The following E2F2 variants were observed in gnomAD, a reference collection of about 807,000 sequenced individuals.
E2F2 encodes the protein E2F transcription factor 2.
In E2F2, 22 loss-of-function variants were observed where a neutral mutation model predicts 42.2. The observed-to-expected ratio is 0.52, with a 90% confidence interval of 0.37 to 0.74. E2F2 has a LOEUF of 0.74. E2F2 is among the 30% of genes least tolerant of loss of function. The probability of loss-of-function intolerance (pLI) is 0.00; values close to 1 mark genes in which losing one functional copy is unlikely to be tolerated. For synonymous variants in E2F2, 248 were observed against 251.6 expected, an observed-to-expected ratio of 0.99 and a Z score of 0.13; for missense variants, 481 against 557.8, an observed-to-expected ratio of 0.86 and a Z score of 1.39.
chr1:23,516,298 TC>T (rs774903045), intron 6 of E2F2, 36 bp downstream of exon 6: 17 of 1,441,098 alleles, frequency 1.2e-5, no homozygotes, highest in Admixed American at 3.1e-5. Context: ...GGCCGGTCTC[TC>T]CCCCCACCTC....
rs184997682 is a variant in E2F2, at chr1:23,514,310, G to A, written c.1045+2025C>T. Among the ~76,000 whole-genome samples, 5 of 152,234 alleles carry A rather than the reference G, an allele frequency of 3.3e-5. No homozygotes were observed. In the East Asian group the frequency reaches 9.7e-4, roughly 30 times the overall value. On this transcript the variant is annotated intron_variant, in intron 6 of 6. Coordinates refer to ENST00000361729, the MANE Select transcript of E2F2 (RefSeq NM_004091.4). Reference sequence around the variant, plus strand: ...GAGGGTGGGGCAGAGGTCTGGGATGGGAGATAGGCACTGGGGAGGTGTCCC... The same window carrying A: ...GAGGGTGGGGCAGAGGTCTGGGATGAGAGATAGGCACTGGGGAGGTGTCCC...
intron 6 of E2F2, among the ~76,000 whole-genome samples, chr1:23,512,108 G>A (rs1642920594): frequency 6.6e-6 from 1 of 152,156 alleles, no homozygotes. Flanking sequence ...TGAGGAAGGA[G>A]AATCATTGGA....
rs2148683110 is a variant in E2F2 at position 23,507,918 on chromosome 1, A to G, written c.*1962T>C. ...AGAGCCCAAGGAATGGGAGTCAAAC[A>G]CCTCTGACTTCAGAGATGGCACATG... On this transcript the variant is annotated 3_prime_UTR_variant, in exon 7 of 7. Transcript: ENST00000361729. 1 of 152,252 alleles carries G rather than the reference A, an allele frequency of 6.6e-6. No homozygotes were observed. Among genetic ancestry groups the G allele is most frequent in the East Asian group, 1.9e-4 (1 of 5,186 alleles). 9.4% of individuals were successfully genotyped at this position (152,252 alleles called of 1,614,324 possible).
chr1:23,519,371 T>C (rs1643092008), intron 4 of E2F2: 1 of 309,224 alleles, frequency 3.2e-6, no homozygotes, highest in Admixed American at 5.0e-5. Context: ...TCATAAAAAA[T>C]GTTGCCTTAT....
At chr1:23,517,999 G>A (rs530095392) in intron 5 of E2F2, among the ~76,000 whole-genome samples, 11 of 151,496 alleles carry the variant, frequency 7.3e-5, no homozygotes, top group Non-Finnish European at 1.3e-4. Flanking sequence ...GCAAAACCTC[G>A]TCTCTACAAA....
Position 23,506,869 on chromosome 1 carries a change from A to G in E2F2, c.*3011T>C, listed in dbSNP as rs188492900. 1 of 152,456 alleles carries G rather than the reference A, an allele frequency of 6.6e-6. No homozygotes were observed. Among genetic ancestry groups the G allele is most frequent in the East Asian group, 1.9e-4 (1 of 5,192 alleles). 9.4% of individuals were successfully genotyped at this position (152,456 alleles called of 1,614,324 possible). Reference sequence around the variant, plus strand: ...TTGAGAACACTTGGGGAGGGAGAACAAAGTCAGAACCATCCTAAAGCCAGT... The same window carrying G: ...TTGAGAACACTTGGGGAGGGAGAACGAAGTCAGAACCATCCTAAAGCCAGT... On this transcript the variant is annotated 3_prime_UTR_variant, in exon 7 of 7. Transcript: ENST00000361729.
chr1:23,516,575 T>TAAGTG, intron 5 of E2F2, 48 bp from the exon 6 acceptor site: 15 of 1,492,664 alleles, frequency 1.0e-5, no homozygotes, highest in Admixed American at 2.0e-5. Context: ...AGCTGGACAC[T>TAAGTG]TACACTTAGT....
chr1:23,517,480 G>A (rs768273814), intron 5 of E2F2, among the ~76,000 whole-genome samples: 35 of 152,166 alleles, frequency 2.3e-4, no homozygotes, highest in Non-Finnish European at 3.4e-4. Context: ...AAATGACAGC[G>A]TCTTTTTCCC....
chr1:23,505,446 G>A (rs1254720572), downstream of E2F2, among the ~76,000 whole-genome samples: 1 of 152,220 alleles, frequency 6.6e-6, no homozygotes, highest in Non-Finnish European at 1.5e-5. Flanking sequence ...ACTCACCTGG[G>A]AGGTTCATGG....
chr1:23,525,188 ACC>A (rs35872069), intron 1 of E2F2, among the ~76,000 whole-genome samples: 7,765 of 146,610 alleles, frequency 0.053, 495 homozygotes, highest in South Asian at 0.31. Flanking sequence ...AGCTGAGGCC[ACC>A]CCCCCCCTCC....
chr1:23,529,139 C>T (rs1219612110), intron 1 of E2F2, among the ~76,000 whole-genome samples: 1 of 152,210 alleles, frequency 6.6e-6, no homozygotes, highest in African/African-American at 2.4e-5. Flanking sequence ...TAGGTCACAT[C>T]CCCTCTCTGA....
chr1:23,525,414 G>A (rs1347073426), intron 1 of E2F2, among the ~76,000 whole-genome samples: 1 of 152,238 alleles, frequency 6.6e-6, no homozygotes, highest in Non-Finnish European at 1.5e-5. Context: ...ATAGGTCAGA[G>A]ACCCATGCTT....
intron 2 of E2F2, among the ~76,000 whole-genome samples, chr1:23,523,437 G>T (rs1002117964): frequency 6.6e-6 from 1 of 152,170 alleles, no homozygotes; most frequent in African/African-American, 2.4e-5. Flanking sequence ...GATTATAGGT[G>T]TGAGCCACCA....
chr1:23,529,818 G>C (rs1190635739), intron 1 of E2F2, among the ~76,000 whole-genome samples: 1 of 151,858 alleles, frequency 6.6e-6, no homozygotes, highest in South Asian at 2.1e-4. Flanking sequence ...TGATTCACAC[G>C]GGCTCCAGGA....
Position 23,530,519 on chromosome 1 carries a change from G to C in E2F2, c.252+23C>G, listed in dbSNP as rs898460256. On this transcript the variant is annotated intron_variant, in intron 1 of 6. Transcript: ENST00000361729. This position sits in a 1 kb window ranked among gnomAD's most constrained non-coding sequence, Gnocchi z 4.4. ...CACACCTGGAAAAGCATAGGGGGAAGCGGTGGGGGCCCCCAGCATTACCGG... is the reference window on the plus strand; with the variant it reads ...CACACCTGGAAAAGCATAGGGGGAACCGGTGGGGGCCCCCAGCATTACCGG... 29 of 1,609,764 alleles carry C rather than the reference G, an allele frequency of 1.8e-5. No individual in the cohort carries two copies. Among genetic ancestry groups the C allele is most frequent in the Non-Finnish European group, 2.0e-5 (24 of 1,178,430 alleles).
In E2F2 at chr1:23,530,739, C is replaced by G; in HGVS notation, c.55G>C (p.Val19Leu). ...AGCTCTGTGGGGCTCATCGCGGGCACCACCTTCGGGGTCTGCCCAGCGGCC... is the reference window on the plus strand; with the variant it reads ...AGCTCTGTGGGGCTCATCGCGGGCAGCACCTTCGGGGTCTGCCCAGCGGCC... ...ASAAGQTPKVVPAMSPTELWP... is the reference protein window; with the variant it reads ...ASAAGQTPKVLPAMSPTELWP... Residue 19 changes from valine to leucine, a missense_variant, in exon 1 of 7, where the codon GTG becomes CTG. Coordinates refer to ENST00000361729, the MANE Select transcript of E2F2 (RefSeq NM_004091.4). This position sits in a 1 kb window ranked among gnomAD's most constrained non-coding sequence, Gnocchi z 4.4. 1 of 1,596,492 alleles carries G rather than the reference C, an allele frequency of 6.3e-7. No homozygotes were observed. Among genetic ancestry groups the G allele is most frequent in the African/African-American group, 1.3e-5 (1 of 74,846 alleles).
intron 1 of E2F2, 63 bp from the exon 2 acceptor site, chr1:23,524,551 G>A: frequency 6.7e-7 from 1 of 1,494,382 alleles, no homozygotes; most frequent in Non-Finnish European, 9.1e-7. Context: ...GCCTTTCCCT[G>A]ATGTGGGGCC....
chr1:23,520,868 A>G, intron 4 of E2F2, 45 bp downstream of exon 4: 1 of 1,491,366 alleles, frequency 6.7e-7, no homozygotes, highest in East Asian at 2.5e-5. Context: ...TAAACATGCA[A>G]CAGGTTCCTG....
rs1355187187 is a variant in E2F2, at chr1:23,524,424, T to C, written c.317A>G (p.Lys106Arg). The C allele has an allele frequency of 6.3e-7, 1 of 1,594,210 alleles. No homozygotes were observed. Among genetic ancestry groups the C allele is most frequent in the Non-Finnish European group, 8.6e-7 (1 of 1,167,652 alleles). ...GCCATCCACTCTGATGCACTTCCCCTTGGGGGTTGGGAACTCAGGGACGAC... is the reference window on the plus strand; with the variant it reads ...GCCATCCACTCTGATGCACTTCCCCCTGGGGGTTGGGAACTCAGGGACGAC... The part of the protein sequence containing the change: ...RPVVPEFPTP[K>R]GKCIRVDGLP... Residue 106 changes from lysine (K) to arginine (R), a missense_variant, in exon 2 of 7, where the codon AAG becomes AGG. By Grantham distance (26) the Lys-to-Arg change is conservative (BLOSUM62 2). Transcript: ENST00000361729.
Sources: gnomAD v4.1 joint callset for allele counts (sites outside exome capture counted in the v4.1 genomes callset) on GRCh38, gnomAD v4.1.1 for gene constraint, Gnocchi (gnomAD v3.1) non-coding constraint, MANE v1.5 for transcripts, NCBI Gene and HGNC (gene_info 2026-07-23, HGNC 2026-07-21) for gene names.